The following MYLK variants were observed in gnomAD, a reference collection of about 807,000 sequenced individuals.
MYLK encodes myosin light chain kinase, smooth muscle.
A neutral mutation model predicts 203.4 loss-of-function variants in MYLK; 106 were observed. That is an observed-to-expected ratio of 0.52 (90% CI 0.45 to 0.61). The LOEUF is 0.61. Among genes scored for constraint, MYLK ranks in the 20% least tolerant of loss-of-function variants. The pLI, the probability that MYLK is intolerant of heterozygous loss-of-function variation, is 0.00. For missense variants in MYLK, 2,072 were observed against 2,442.3 expected, an observed-to-expected ratio of 0.85 and a Z score of 3.20; for synonymous variants, 867 against 959.5, an observed-to-expected ratio of 0.90 and a Z score of 1.78.
intron 13 of MYLK, among the ~76,000 whole-genome samples, chr3:123,721,324 T>C (rs820350): frequency 0.97 from 138,055 of 142,908 alleles, 66,672 homozygotes; most frequent in Middle Eastern, 1. Context: ...GACCCAGTCA[T>C]GCACAGGAGC....
intron 2 of MYLK, among the ~76,000 whole-genome samples, chr3:123,858,149 T>C (rs1577136342): frequency 6.6e-6 from 1 of 152,170 alleles, no homozygotes; most frequent in Non-Finnish European, 1.5e-5. Context: ...CATGCTTATG[T>C]TTATCACTTG....
intron 27 of MYLK, among the ~76,000 whole-genome samples, chr3:123,646,379 T>C (rs572116211): frequency 1.3e-5 from 2 of 152,358 alleles, no homozygotes; most frequent in South Asian, 4.1e-4. Flanking sequence ...GACTTTTCAC[T>C]GTGTATTTCC....
intron 3 of MYLK, among the ~76,000 whole-genome samples, chr3:123,803,969 A>C (rs895299945): frequency 2.6e-5 from 4 of 152,184 alleles, no homozygotes; most frequent in East Asian, 1.9e-4. Flanking sequence ...AAAGGAGAAA[A>C]AGAGAGAACT....
intron 29 of MYLK, among the ~76,000 whole-genome samples, chr3:123,631,123 C>T (rs574868700): frequency 1.5e-4 from 22 of 151,648 alleles, no homozygotes; most frequent in African/African-American, 4.8e-4. Context: ...GGGGGCCAGG[C>T]GTGGTGGCTC....
intron 14 of MYLK, 79 bp downstream of exon 14, chr3:123,709,677 C>G: frequency 6.3e-7 from 1 of 1,575,584 alleles, no homozygotes; most frequent in Non-Finnish European, 8.7e-7. Flanking sequence ...AGGATCTGAG[C>G]GGGTCCTCGG....
At chr3:123,744,156 A>G (rs1419397082) in intron 5 of MYLK, among the ~76,000 whole-genome samples, 1 of 152,240 alleles carries the variant, frequency 6.6e-6, no homozygotes, top group African/African-American at 2.4e-5. Flanking sequence ...TAATTTCAAA[A>G]AGAAAATAAA....
chr3:123,684,700 A>G (rs1411453210), intron 19 of MYLK, among the ~76,000 whole-genome samples: 2 of 152,000 alleles, frequency 1.3e-5, no homozygotes, highest in Non-Finnish European at 2.9e-5. Context: ...ACGCCTGACT[A>G]ATTTTTCGTA....
At chr3:123,821,539 GCCT>G (rs1405132582) in intron 3 of MYLK, among the ~76,000 whole-genome samples, 2 of 152,106 alleles carry the variant, frequency 1.3e-5, no homozygotes, top group African/African-American at 4.8e-5. Context: ...TGATCTGCAG[GCCT>G]CCTACCAGCT....
intron 14 of MYLK, 34 bp downstream of exon 14, chr3:123,709,722 T>A (rs183286565): frequency 6.2e-7 from 1 of 1,612,280 alleles, no homozygotes; most frequent in African/African-American, 1.3e-5. Context: ...ACCATTTTCA[T>A]GTTAATCCCC....
In MYLK at chr3:123,690,105, G is replaced by C. The variant is rs1234873461; in HGVS notation, c.3565+2630C>G. ...AGGCCAGCCCTGCTGAGTGGCTGGG[G>C]AAGCCAGTCTGAAGTCAGCACCAGC... On this transcript the variant is annotated intron_variant, in intron 19 of 33. Coordinates refer to ENST00000360304, the MANE Select transcript of MYLK (RefSeq NM_053025.4). Among the ~76,000 whole-genome samples the C allele has an allele frequency of 2.6e-5, 4 of 152,324 alleles. No individual in the cohort carries two copies. In the South Asian group the frequency reaches 8.3e-4, roughly 32 times the overall value.
intron 4 of MYLK, among the ~76,000 whole-genome samples, chr3:123,758,094 C>T (rs369847368): frequency 3.3e-5 from 5 of 151,800 alleles, no homozygotes; most frequent in African/African-American, 1.2e-4. Flanking sequence ...CCAAACAAAT[C>T]AGACCACAGA....
chr3:123,766,627 C>G (rs2063713318), intron 4 of MYLK, among the ~76,000 whole-genome samples: 1 of 152,250 alleles, frequency 6.6e-6, no homozygotes, highest in Admixed American at 6.5e-5. Context: ...CCCTGCCCGC[C>G]TTAGGAGGGG....
At chr3:123,724,454 G>A (rs1350646078) in intron 12 of MYLK, among the ~76,000 whole-genome samples, 3 of 152,094 alleles carry the variant, frequency 2.0e-5, no homozygotes, top group Non-Finnish European at 4.4e-5. Context: ...CAGCCACAAG[G>A]AGGCTGCCTC....
At chr3:123,815,773 T>C (rs1160541826) in intron 3 of MYLK, among the ~76,000 whole-genome samples, 5 of 152,270 alleles carry the variant, frequency 3.3e-5, no homozygotes, top group Non-Finnish European at 7.3e-5. Flanking sequence ...TGTCCTCTAA[T>C]CTCAGTTTAT....
At chr3:123,812,757 C>G (rs1453634047) in intron 3 of MYLK, among the ~76,000 whole-genome samples, 1 of 152,194 alleles carries the variant, frequency 6.6e-6, no homozygotes, top group Non-Finnish European at 1.5e-5. Flanking sequence ...CCTGTCACGG[C>G]TTCTCCGTTG....
At chr3:123,657,064 A>G (rs2059409443) in intron 24 of MYLK, 62 bp downstream of exon 24, 2 of 1,572,696 alleles carry the variant, frequency 1.3e-6, no homozygotes, top group East Asian at 4.5e-5. Flanking sequence ...TACAGTCTTT[A>G]CATACACAAG....
chr3:123,800,563 C>T (rs2109153506), intron 3 of MYLK, among the ~76,000 whole-genome samples: 1 of 152,222 alleles, frequency 6.6e-6, no homozygotes, highest in African/African-American at 2.4e-5. Flanking sequence ...CTCGTTGGTC[C>T]AGAGCCCTGG....
At chr3:123,747,360 GC>G (rs1340725662) in intron 5 of MYLK, among the ~76,000 whole-genome samples, 1 of 152,146 alleles carries the variant, frequency 6.6e-6, no homozygotes, top group African/African-American at 2.4e-5. Context: ...GTAGTTTCAT[GC>G]GGGTGTGGAT....
In MYLK at chr3:123,820,100, G is replaced by T. The variant is rs561475429; in HGVS notation, c.-4+11448C>A. Among the ~76,000 whole-genome samples, 198 of 152,146 alleles carry T rather than the reference G, an allele frequency of 1.3e-3. 1 individual carries two copies. Among genetic ancestry groups the T allele is most frequent in the Non-Finnish European group, 2.3e-3 (157 of 68,028 alleles). On this transcript the variant is annotated intron_variant, in intron 3 of 33. Coordinates refer to ENST00000360304, the MANE Select transcript of MYLK (RefSeq NM_053025.4). ...TCCTTCACTGAGAGCACAGAGCAGG[G>T]CTCTCATGCTAACAACCCTGCCTGT...
Sources: gnomAD v4.1 joint callset for allele counts (sites outside exome capture counted in the v4.1 genomes callset) on GRCh38, gnomAD v4.1.1 for gene constraint, MANE v1.5 for transcripts, NCBI Gene and HGNC (gene_info 2026-07-23, HGNC 2026-07-21) for gene names.